TCP11L2: variants seen among roughly 807,000 people sequenced by gnomAD.
TCP11L2 encodes the protein T-complex protein 11-like protein 2.
In TCP11L2, 39 loss-of-function variants were observed where a neutral mutation model predicts 50.7. The observed-to-expected ratio is 0.77, with a 90% CI of 0.60 to 1.01. The LOEUF is 1.01. TCP11L2 is among the 50% of genes least tolerant of loss of function. The pLI is 0.00. For synonymous variants in TCP11L2, 192 were observed against 219.3 expected (o/e 0.88, Z 1.10); for missense variants, 612 against 614.7 (o/e 1.00, Z 0.05).
chr12:106,346,089 A>T (rs965718513), intron 9 of TCP11L2, among the ~76,000 whole-genome samples, 197 bp from the exon 10 acceptor site: 2 of 152,198 alleles, frequency 1.3e-5, no homozygotes, highest in African/African-American at 4.8e-5. Context: ...GCCAGCCCAG[A>T]TGGAAAGGAT....
intron 6 of TCP11L2, among the ~76,000 whole-genome samples, chr12:106,327,240 CTGGGGTGCAG>C (rs2035582234): frequency 6.6e-6 from 1 of 151,986 alleles, no homozygotes; most frequent in African/African-American, 2.4e-5. Context: ...ATTGCCCAGG[CTGGGGTGCAG>C]TGGCATGATG....
At chr12:106,331,745 G>A (rs751551447) in intron 6 of TCP11L2, among the ~76,000 whole-genome samples, 5 of 152,190 alleles carry the variant, frequency 3.3e-5, no homozygotes, top group Non-Finnish European at 7.3e-5. Context: ...AGACTGCCTG[G>A]CTCAGAGGCC....
At chr12:106,329,789 C>T (rs1470663797) in intron 6 of TCP11L2, 18 of 990,916 alleles carry the variant, frequency 1.8e-5, no homozygotes, top group Admixed American at 6.1e-5. Context: ...GATTTCCACT[C>T]GCGCTCTCTC....
At chr12:106,314,650 G>A (rs1410971270) in intron 3 of TCP11L2, among the ~76,000 whole-genome samples, 157 bp downstream of exon 3, 1 of 150,704 alleles carries the variant, frequency 6.6e-6, no homozygotes, top group South Asian at 2.1e-4. Context: ...GGAAGTTCTT[G>A]TATAATATCC....
At chr12:106,318,658 C>G (rs541982882) in intron 4 of TCP11L2, among the ~76,000 whole-genome samples, 194 bp downstream of exon 4, 2 of 152,344 alleles carry the variant, frequency 1.3e-5, no homozygotes, top group African/African-American at 4.8e-5. Flanking sequence ...ATAGATGGTG[C>G]CTTCTTGCTG....
intron 3 of TCP11L2, 119 bp from the exon 4 acceptor site, chr12:106,318,225 A>T: frequency 8.4e-7 from 1 of 1,188,362 alleles, no homozygotes; most frequent in Non-Finnish European, 1.2e-6. Context: ...TTAATGGATT[A>T]AGGACAATTA....
chr12:106,302,995 C>T (rs563464975), intron 1 of TCP11L2, 54 bp downstream of exon 1: 47 of 152,514 alleles, frequency 3.1e-4, no homozygotes, highest in African/African-American at 9.6e-4. Flanking sequence ...CCGGCCAGGT[C>T]CAACGGAGGG....
At position 106,346,423 on chromosome 12, in the gene TCP11L2, AATCTCAACAAACAAGTGT is replaced by A; in HGVS notation, c.1456_1473del (p.Leu486_Tyr491del). The A allele has an allele frequency of 6.2e-7, 1 of 1,614,216 alleles. No homozygotes were observed. Among genetic ancestry groups the A allele is most frequent in the Non-Finnish European group, 8.5e-7 (1 of 1,180,030 alleles). ...AGGCTCTCAATATGCAAACATTGTG[AATCTCAACAAACAAGTGT>A]ATGGACCATTTTATGCAAATATACT... is the stretch of plus-strand genomic sequence containing the variant. On this transcript the variant is annotated inframe_deletion, in exon 10 of 10. Coordinates refer to ENST00000299045, the MANE Select transcript of TCP11L2 (RefSeq NM_152772.3).
intron 6 of TCP11L2, among the ~76,000 whole-genome samples, chr12:106,329,120 C>A (rs552732075): frequency 6.6e-6 from 1 of 152,124 alleles, no homozygotes; most frequent in South Asian, 2.1e-4. Context: ...ATTTTTCCAA[C>A]TGAAAATTGG....
At chr12:106,312,429 C>T (rs2136640471) in intron 2 of TCP11L2, 1 of 1,211,456 alleles carries the variant, frequency 8.3e-7, no homozygotes, top group East Asian at 5.9e-5. Flanking sequence ...ACAGCAGCCA[C>T]CCCAGGTTTC....
intron 1 of TCP11L2, 46 bp from the exon 2 acceptor site, chr12:106,310,995 T>C: frequency 6.6e-7 from 1 of 1,512,520 alleles, no homozygotes; most frequent in Non-Finnish European, 9.0e-7. Flanking sequence ...GTGGTGCCTG[T>C]GGAAGTACCA....
chr12:106,310,575 C>T (rs1038486735), intron 1 of TCP11L2, among the ~76,000 whole-genome samples: 2 of 152,200 alleles, frequency 1.3e-5, no homozygotes, highest in East Asian at 3.9e-4. Flanking sequence ...TCTATTCAAT[C>T]TTCTGGCAAC....
chr12:106,307,212 A>G (rs1462805888), intron 1 of TCP11L2: 1 of 152,242 alleles, frequency 6.6e-6, no homozygotes, highest in Non-Finnish European at 1.5e-5. Flanking sequence ...ATGACATTAT[A>G]TTTATTATCA....
intron 5 of TCP11L2, among the ~76,000 whole-genome samples, chr12:106,323,075 A>C (rs1360774776): frequency 6.6e-6 from 1 of 152,178 alleles, no homozygotes; most frequent in Non-Finnish European, 1.5e-5. Flanking sequence ...TATGCCCACA[A>C]ATCTGGCCAG....
chr12:106,315,247 A>AAAAC (rs200118589), intron 3 of TCP11L2, among the ~76,000 whole-genome samples: 1 of 152,110 alleles, frequency 6.6e-6, no homozygotes, highest in African/African-American at 2.4e-5. Flanking sequence ...AACAAAAACA[A>AAAAC]AAACAAACAA....
intron 2 of TCP11L2, chr12:106,312,387 G>C: frequency 8.1e-7 from 1 of 1,236,842 alleles, no homozygotes; most frequent in South Asian, 1.4e-5. Context: ...TTTTTAAGGA[G>C]AATCTTGAGT....
At chr12:106,334,474 T>C (rs1346879737) in intron 6 of TCP11L2, among the ~76,000 whole-genome samples, 3 of 152,084 alleles carry the variant, frequency 2.0e-5, no homozygotes, top group African/African-American at 7.2e-5. Context: ...CTGTGGGTAC[T>C]CCCCCTAAAT....
At chr12:106,313,402 G>A (rs184788773) in intron 2 of TCP11L2, among the ~76,000 whole-genome samples, 12 of 152,142 alleles carry the variant, frequency 7.9e-5, no homozygotes, top group Non-Finnish European at 1.5e-4. Context: ...CCAACATGGC[G>A]AAACACCGTC....
intron 6 of TCP11L2, chr12:106,325,247 G>A (rs777392923): frequency 6.6e-6 from 1 of 152,212 alleles, no homozygotes; most frequent in Non-Finnish European, 1.5e-5. Context: ...CATAGTCCAT[G>A]TTCCTGTCCA....
Sources: allele counts gnomAD v4.1 joint callset (sites outside exome capture counted in the v4.1 genomes callset), GRCh38; gene constraint gnomAD v4.1.1; transcripts MANE v1.5; gene names NCBI Gene and HGNC (gene_info 2026-07-23, HGNC 2026-07-21).